PON3: variants seen among roughly 807,000 people sequenced by gnomAD.
PON3 encodes serum paraoxonase/lactonase 3.
In PON3, 37 loss-of-function variants were observed where a neutral mutation model predicts 36.3. The ratio of observed to expected loss-of-function variants is 1.02; its 90% CI spans 0.78 to 1.34. The LOEUF (loss-of-function observed/expected upper bound fraction) is 1.34. Ranked by LOEUF, PON3 falls within the 40% of genes most tolerant of loss-of-function variation. The pLI, the probability that PON3 is intolerant of heterozygous loss-of-function variation, is 0.00. For missense variants in PON3, 415 were observed against 426.5 expected, an observed-to-expected ratio of 0.97 and a Z score of 0.24; for synonymous variants, 155 against 154.8, an observed-to-expected ratio of 1.00 and a Z score of -0.01.
At chr7:95,368,576 T>A (rs555711114) in intron 4 of PON3, among the ~76,000 whole-genome samples, 1 of 152,338 alleles carries the variant, frequency 6.6e-6, no homozygotes, top group Admixed American at 6.5e-5. Context: ...GTGCATCTAC[T>A]GAATCCCTCT....
chr7:95,378,666 T>C (rs957673308), intron 3 of PON3, among the ~76,000 whole-genome samples: 2 of 152,158 alleles, frequency 1.3e-5, no homozygotes, highest in Non-Finnish European at 2.9e-5. Context: ...GCTTCATAAG[T>C]GAAGGAGAAA....
chr7:95,362,663 A>T (rs1378905517), intron 7 of PON3, 97 bp downstream of exon 7: 5 of 1,382,630 alleles, frequency 3.6e-6, no homozygotes, highest in Non-Finnish European at 5.1e-6. Context: ...TTGCTCTCAA[A>T]TAGCCATGTT....
chr7:95,374,965 C>T (rs929796049), intron 3 of PON3, among the ~76,000 whole-genome samples: 2 of 151,966 alleles, frequency 1.3e-5, no homozygotes, highest in African/African-American at 4.8e-5. Flanking sequence ...ACTTTCAAGT[C>T]TGCACATTTA....
At chr7:95,381,689 C>G (rs1337156363) in intron 3 of PON3, among the ~76,000 whole-genome samples, 1 of 152,078 alleles carries the variant, frequency 6.6e-6, no homozygotes, top group African/African-American at 2.4e-5. Flanking sequence ...ACAGGAGCAC[C>G]CAGATTCATA....
chr7:95,383,800 T>C (rs981861286), intron 3 of PON3, among the ~76,000 whole-genome samples: 21 of 152,222 alleles, frequency 1.4e-4, no homozygotes, highest in Non-Finnish European at 2.4e-4. Flanking sequence ...ATAGATTCAA[T>C]GCCATCCCCA....
At chr7:95,390,101 A>T in intron 3 of PON3, 53 bp downstream of exon 3, 1 of 1,506,452 alleles carries the variant, frequency 6.6e-7, no homozygotes, top group Non-Finnish European at 9.2e-7. Flanking sequence ...ACATTAATGC[A>T]CTGTCTATAC....
intron 8 of PON3, among the ~76,000 whole-genome samples, chr7:95,361,039 C>T (rs1479005175): frequency 1.3e-5 from 2 of 152,114 alleles, no homozygotes; most frequent in Non-Finnish European, 2.9e-5. Context: ...AGATCCTAAA[C>T]AATTCTCCAA....
chr7:95,389,332 CT>C (rs935952293), intron 3 of PON3, among the ~76,000 whole-genome samples: 1 of 151,990 alleles, frequency 6.6e-6, no homozygotes, highest in Non-Finnish European at 1.5e-5. Context: ...ATAAGTACCC[CT>C]TTTTTGGCCA....
chr7:95,374,356 C>T (rs987614223), intron 3 of PON3, among the ~76,000 whole-genome samples: 1 of 152,128 alleles, frequency 6.6e-6, no homozygotes, highest in Non-Finnish European at 1.5e-5. Context: ...TGTCCCTCCT[C>T]TGTTCTTAGA....
chr7:95,371,955 G>C (rs1371024043), intron 4 of PON3, among the ~76,000 whole-genome samples: 2 of 152,108 alleles, frequency 1.3e-5, no homozygotes, highest in African/African-American at 4.8e-5. Flanking sequence ...CAAGTGGATA[G>C]AAGGAAGAGG....
At chr7:95,362,572 G>A in intron 7 of PON3, 82 bp from the exon 8 acceptor site, 1 of 1,590,680 alleles carries the variant, frequency 6.3e-7, no homozygotes, top group Non-Finnish European at 8.6e-7. Context: ...AACCCCTACA[G>A]CTTCTTCTGG....
At chr7:95,369,161 C>A (rs1808757695) in intron 4 of PON3, among the ~76,000 whole-genome samples, 1 of 152,130 alleles carries the variant, frequency 6.6e-6, no homozygotes, top group Non-Finnish European at 1.5e-5. Context: ...ACTATGTGCT[C>A]TGCCTGTCCT....
intron 3 of PON3, among the ~76,000 whole-genome samples, chr7:95,374,964 T>C (rs1808882420): frequency 6.6e-6 from 1 of 152,086 alleles, no homozygotes; most frequent in Admixed American, 6.6e-5. Context: ...GACTTTCAAG[T>C]CTGCACATTT....
chr7:95,389,009 A>G (rs1445437430), intron 3 of PON3, among the ~76,000 whole-genome samples: 7 of 152,288 alleles, frequency 4.6e-5, no homozygotes, highest in African/African-American at 1.4e-4. Flanking sequence ...TAATAGGTAT[A>G]GGAAACCAGC....
At chr7:95,368,456 G>A (rs1203350416) in intron 4 of PON3, among the ~76,000 whole-genome samples, 1 of 152,182 alleles carries the variant, frequency 6.6e-6, no homozygotes, top group Non-Finnish European at 1.5e-5. Flanking sequence ...AAGGCTCAGG[G>A]CGTGGCAAAC....
Position 95,359,903 on chromosome 7 carries a change from TATC to T in PON3, c.*67_*69del. 2 of 1,494,344 alleles carry T rather than the reference TATC, an allele frequency of 1.3e-6. No individual in the cohort carries two copies. The highest frequency in any genetic ancestry group is 1.8e-6 in the Non-Finnish European group (2 of 1,093,940). The allele number at this position is 1,494,344 out of a possible 1,614,324, so 92.6% of individuals were successfully genotyped here. ...TTTGCTATTTACTTACAGTGCCACT[TATC>T]ATACAATTATCAGTTTACTTTTACA... On this transcript the variant is annotated 3_prime_UTR_variant, in exon 9 of 9. Coordinates refer to ENST00000265627, the MANE Select transcript of PON3 (RefSeq NM_000940.3).
chr7:95,367,451 G>A lies in PON3; in HGVS notation c.405C>T (p.His135=), dbSNP rs943543098. ...TVYLYVVNHP[H]MKSTVEIFKF... is the part of the protein sequence containing the mutation. The stretch of plus-strand genomic sequence containing the variant: ...TAAATATCTCCACAGTGGACTTCAT[G>A]TGGGGATGATTCACAACATAAAGAT... The change falls in exon 5 of 9, where the codon CAC becomes CAT. Residue 135 remains histidine (H), a synonymous_variant. Transcript: ENST00000265627. 6.2e-7 allele frequency: 1 copy of A among 1,613,044 alleles called. No homozygotes were observed. Among genetic ancestry groups the A allele is most frequent in the Non-Finnish European group, 8.5e-7 (1 of 1,179,328 alleles).
At chr7:95,362,718 G>T in intron 7 of PON3, 42 bp downstream of exon 7, 1 of 1,517,394 alleles carries the variant, frequency 6.6e-7, no homozygotes, top group Non-Finnish European at 9.2e-7. Context: ...ATGGGACTAA[G>T]GTAAGAAGTC....
intron 3 of PON3, among the ~76,000 whole-genome samples, chr7:95,383,515 C>T (rs142384475): frequency 0.028 from 4,334 of 152,248 alleles, 115 homozygotes; most frequent in African/African-American, 0.068. Flanking sequence ...TCTCAGGATA[C>T]AAAATCAATG....
Sources: allele counts gnomAD v4.1 joint callset (sites outside exome capture counted in the v4.1 genomes callset), GRCh38; gene constraint gnomAD v4.1.1; transcripts MANE v1.5; gene names NCBI Gene and HGNC (gene_info 2026-07-23, HGNC 2026-07-21).